The following PACC1 variants were observed in gnomAD, a reference collection of about 807,000 sequenced individuals.
The protein encoded by PACC1 is proton-activated chloride channel.
A neutral mutation model predicts 39.7 loss-of-function variants in PACC1; 34 were observed. That is an observed-to-expected ratio of 0.86 (90% CI 0.65 to 1.14). PACC1 has a LOEUF of 1.14. PACC1 is among the 50% of genes most tolerant of loss of function. The pLI is 0.00. For missense variants in PACC1, 379 were observed against 436.4 expected (o/e 0.87, Z 1.17); for synonymous variants, 127 against 160.6 (o/e 0.79, Z 1.58).
rs149066587 is a variant in PACC1 at position 212,391,174 on chromosome 1, A to C, written c.134-4074T>G. Among the ~76,000 whole-genome samples, 1,186 of 152,364 alleles carry C rather than the reference A, an allele frequency of 7.8e-3. 17 individuals are homozygous for C. The highest frequency in any genetic ancestry group is 0.027 in the African/African-American group (1,116 of 41,584). ...TGGGTCCCTGAACCCTGAGTAGCCT[A>C]TCTGGGAGGCACCCCCAAGTAGGGG... On this transcript the variant is annotated intron_variant, in intron 2 of 7. Transcript: ENST00000261455.
chr1:212,383,346 G>A (rs931133050), intron 4 of PACC1, among the ~76,000 whole-genome samples: 1 of 152,188 alleles, frequency 6.6e-6, no homozygotes, highest in African/African-American at 2.4e-5. Context: ...ACTTCAACTG[G>A]GGGAGGAGAG....
Position 212,365,020 on chromosome 1 carries a change from C to T in PACC1, c.*195G>A, listed in dbSNP as rs1000305373. 12 of 400,854 alleles carry T rather than the reference C, an allele frequency of 3.0e-5. No individual in the cohort carries two copies. Among genetic ancestry groups the T allele is most frequent in the Non-Finnish European group, 4.8e-5 (11 of 228,186 alleles). The allele number at this position is 400,854 out of a possible 1,614,324, so 24.8% of individuals were successfully genotyped here. A position where few individuals can be genotyped will look rare whatever the true frequency, so the allele number is the denominator to read the frequency against. On this transcript the variant is annotated 3_prime_UTR_variant, in exon 8 of 8. Transcript: ENST00000261455. ...TATTTAAATAACTTGTAGGTTTATCCATTAGTCTCTTCTATTAGGCTCTAC... is the reference window on the plus strand; with the variant it reads ...TATTTAAATAACTTGTAGGTTTATCTATTAGTCTCTTCTATTAGGCTCTAC...
chr1:212,397,346 T>A (rs1012057083), intron 2 of PACC1, among the ~76,000 whole-genome samples: 20 of 152,212 alleles, frequency 1.3e-4, no homozygotes, highest in Admixed American at 1.2e-3. Context: ...ACATCAAATG[T>A]AAATGGACTA....
At chr1:212,410,702 T>C (rs1662094647) in intron 1 of PACC1, among the ~76,000 whole-genome samples, 181 bp from the exon 2 acceptor site, 1 of 152,226 alleles carries the variant, frequency 6.6e-6, no homozygotes, top group East Asian at 1.9e-4. Context: ...CAATAAACTT[T>C]CTGCTCTCTG....
chr1:212,397,568 C>A (rs984711301), intron 2 of PACC1, among the ~76,000 whole-genome samples: 2 of 152,194 alleles, frequency 1.3e-5, no homozygotes, highest in East Asian at 3.8e-4. Context: ...TCATTCTTTA[C>A]TTCTACAAGA....
At chr1:212,375,068 T>C in intron 7 of PACC1, 125 bp downstream of exon 7, 1 of 648,278 alleles carries the variant, frequency 1.5e-6, no homozygotes, top group South Asian at 2.2e-5. Context: ...GGTAGACTTA[T>C]CAGTCTACAA....
chr1:212,367,085 A>T (rs984781523), intron 7 of PACC1, among the ~76,000 whole-genome samples: 3 of 152,136 alleles, frequency 2.0e-5, no homozygotes, highest in African/African-American at 7.2e-5. Flanking sequence ...TCCCCTTCCA[A>T]GATCATGAGT....
At chr1:212,400,369 C>T (rs1661670854) in intron 2 of PACC1, among the ~76,000 whole-genome samples, 1 of 152,180 alleles carries the variant, frequency 6.6e-6, no homozygotes, top group African/African-American at 2.4e-5. Context: ...AAGAAGATCA[C>T]ATGCCAATTC....
chr1:212,392,764 A>G (rs1284714852), intron 2 of PACC1, among the ~76,000 whole-genome samples: 1 of 151,838 alleles, frequency 6.6e-6, no homozygotes, highest in African/African-American at 2.4e-5. Flanking sequence ...ATGGAAAACA[A>G]AAAAAGGCAG....
chr1:212,410,613 T>TTAATTGTCACC (rs1662090701), intron 1 of PACC1, 92 bp from the exon 2 acceptor site: 2 of 1,180,104 alleles, frequency 1.7e-6, no homozygotes, highest in Admixed American at 3.4e-5. Flanking sequence ...TGCTTGTCAC[T>TTAATTGTCACC]TAATTGTCAC....
chr1:212,406,955 G>A (rs1272062098), intron 2 of PACC1, among the ~76,000 whole-genome samples: 2 of 152,126 alleles, frequency 1.3e-5, no homozygotes, highest in Non-Finnish European at 2.9e-5. Flanking sequence ...CTCCATCTAT[G>A]CACTTCTGGT....
At chr1:212,387,200 T>G in intron 2 of PACC1, 100 bp from the exon 3 acceptor site, 2 of 1,165,176 alleles carry the variant, frequency 1.7e-6, no homozygotes, top group Non-Finnish European at 2.5e-6. Flanking sequence ...ACCAAGGAGG[T>G]GAAGTCACCT....
At chr1:212,404,885 C>T (rs186212856) in intron 2 of PACC1, among the ~76,000 whole-genome samples, 1 of 152,324 alleles carries the variant, frequency 6.6e-6, no homozygotes, top group African/African-American at 2.4e-5. Flanking sequence ...TCTCCTGCTT[C>T]AGCCTCCTGA....
intron 7 of PACC1, among the ~76,000 whole-genome samples, chr1:212,371,256 A>AAG (rs1553279223): frequency 3.5e-5 from 5 of 143,632 alleles, no homozygotes; most frequent in Non-Finnish European, 7.4e-5. Flanking sequence ...AAAAAAAAAA[A>AAG]AAAGAAAGAA....
At chr1:212,373,606 G>C (rs184680502) in intron 7 of PACC1, among the ~76,000 whole-genome samples, 1 of 152,100 alleles carries the variant, frequency 6.6e-6, no homozygotes, top group East Asian at 1.9e-4. Context: ...CATCCAACAA[G>C]GGATTAGTAA....
At chr1:212,393,440 TGTA>T (rs1270070236) in intron 2 of PACC1, among the ~76,000 whole-genome samples, 3 of 152,146 alleles carry the variant, frequency 2.0e-5, no homozygotes, top group African/African-American at 7.2e-5. Flanking sequence ...TAAAGCAGTG[TGTA>T]GAGGGAAATT....
intron 1 of PACC1, among the ~76,000 whole-genome samples, chr1:212,411,756 T>C (rs933653776): frequency 9.2e-5 from 14 of 152,188 alleles, no homozygotes; most frequent in African/African-American, 2.9e-4. Flanking sequence ...CTTACGAATC[T>C]ATTCTTCTAT....
chr1:212,395,749 AAAC>A (rs1661490069), intron 2 of PACC1, among the ~76,000 whole-genome samples: 1 of 152,184 alleles, frequency 6.6e-6, no homozygotes, highest in African/African-American at 2.4e-5. Context: ...AAGAAAAAAA[AAAC>A]AACCCCATCA....
At chr1:212,414,636 G>A in intron 1 of PACC1, 86 bp downstream of exon 1, 2 of 1,461,800 alleles carry the variant, frequency 1.4e-6, no homozygotes, top group Admixed American at 1.8e-5. Context: ...GCGCAGCCCC[G>A]ACACCCCCCG....
Sources: allele counts gnomAD v4.1 joint callset (sites outside exome capture counted in the v4.1 genomes callset), GRCh38; gene constraint gnomAD v4.1.1; transcripts MANE v1.5; gene names NCBI Gene and HGNC (gene_info 2026-07-23, HGNC 2026-07-21).